The following CAMTA1 variants were observed in gnomAD, a reference collection of about 807,000 sequenced individuals.
CAMTA1 encodes calmodulin binding transcription activator 1.
In CAMTA1, 27 loss-of-function variants were observed where a neutral mutation model predicts 170.9. The ratio of observed to expected loss-of-function variants is 0.16; its 90% confidence interval spans 0.12 to 0.22. CAMTA1 has a LOEUF of 0.22. Among genes scored for constraint, CAMTA1 ranks in the 10% least tolerant of loss-of-function variants. CAMTA1 has a pLI of 1.00. For synonymous variants in CAMTA1, 833 were observed against 891.5 expected, an observed-to-expected ratio of 0.93 and a Z score of 1.17; for missense variants, 1,619 against 2,217.2, an observed-to-expected ratio of 0.73 and a Z score of 5.42.
intron 4 of CAMTA1, among the ~76,000 whole-genome samples, chr1:7,200,653 G>A (rs941509370): frequency 6.6e-6 from 1 of 152,144 alleles, no homozygotes; most frequent in South Asian, 2.1e-4. Flanking sequence ...AGATTACACA[G>A]TGTTGTCCAA....
At chr1:7,737,883 A>T in intron 15 of CAMTA1, 76 bp from the exon 16 acceptor site, 1 of 1,438,528 alleles carries the variant, frequency 7.0e-7, no homozygotes, top group Non-Finnish European at 9.4e-7. Flanking sequence ...TCTCTCAGGC[A>T]TAGAGAAAGT....
intron 10 of CAMTA1, among the ~76,000 whole-genome samples, chr1:7,676,923 T>C (rs1320258571): frequency 6.6e-6 from 1 of 152,170 alleles, no homozygotes; most frequent in Non-Finnish European, 1.5e-5. Flanking sequence ...AGTTATTTGT[T>C]GAGCCCTGTG....
rs80216063 is a variant in CAMTA1 at position 7,424,102 on chromosome 1, C to T, written c.439-43728C>T. On this transcript the variant is annotated intron_variant, in intron 5 of 22. Transcript: ENST00000303635. Reference sequence around the variant, plus strand: ...AAGCCCACGTCAGCCTTCCTCTCACCACCGTCCCCACGTGGGCTCTGTGCT... The same window carrying T: ...AAGCCCACGTCAGCCTTCCTCTCACTACCGTCCCCACGTGGGCTCTGTGCT... 7.0e-4 allele frequency among the ~76,000 whole-genome samples: 107 copies of T among 152,224 alleles called. 3 individuals are homozygous for T. In the East Asian group the frequency reaches 0.019, roughly 27 times the overall value.
At chr1:6,990,584 A>G (rs1293013130) in intron 3 of CAMTA1, among the ~76,000 whole-genome samples, 2 of 152,130 alleles carry the variant, frequency 1.3e-5, no homozygotes, top group African/African-American at 2.4e-5. Context: ...ATGAGTTTTG[A>G]CAGATGTGTC....
intron 2 of CAMTA1, among the ~76,000 whole-genome samples, chr1:6,823,973 CTATT>C (rs1646820950): frequency 6.6e-6 from 1 of 152,044 alleles, no homozygotes; most frequent in Non-Finnish European, 1.5e-5. Flanking sequence ...AAAACTGAAA[CTATT>C]AAGTAACTTA....
intron 7 of CAMTA1, among the ~76,000 whole-genome samples, chr1:7,653,948 A>C (rs1208071853): frequency 1.3e-5 from 2 of 152,158 alleles, no homozygotes; most frequent in Admixed American, 1.3e-4. Flanking sequence ...CATGCATTTG[A>C]ATTCCCACGA....
chr1:7,524,605 G>A (rs1232241022), intron 6 of CAMTA1, among the ~76,000 whole-genome samples: 1 of 152,182 alleles, frequency 6.6e-6, no homozygotes, highest in African/African-American at 2.4e-5. Flanking sequence ...GTGAGCCAGA[G>A]GGATTTTGTA....
intron 5 of CAMTA1, among the ~76,000 whole-genome samples, chr1:7,461,433 C>T (rs1324814547): frequency 6.6e-6 from 1 of 152,256 alleles, no homozygotes; most frequent in East Asian, 1.9e-4. Context: ...CCCTCGGCCA[C>T]ATGTGGCTGT....
intron 5 of CAMTA1, among the ~76,000 whole-genome samples, chr1:7,315,857 C>T (rs1176317003): frequency 1.3e-5 from 2 of 152,164 alleles, no homozygotes; most frequent in African/African-American, 2.4e-5. Flanking sequence ...CATGCCATCT[C>T]CTCCTCTGTC....
At chr1:7,105,200 A>G (rs867978543) in intron 4 of CAMTA1, among the ~76,000 whole-genome samples, 22 of 152,254 alleles carry the variant, frequency 1.4e-4, no homozygotes, top group Admixed American at 9.8e-4. Context: ...ATAAATATTC[A>G]TAACTTATTT....
At chr1:7,695,669 T>C (rs17368220) in intron 11 of CAMTA1, among the ~76,000 whole-genome samples, 14,979 of 152,008 alleles carry the variant, frequency 0.099, 1,010 homozygotes, top group Non-Finnish European at 0.15. Context: ...CATGGGACTG[T>C]GGCTGCACCA....
intron 5 of CAMTA1, among the ~76,000 whole-genome samples, chr1:7,409,353 G>C (rs1009645506): frequency 6.6e-6 from 1 of 152,222 alleles, no homozygotes; most frequent in Non-Finnish European, 1.5e-5. Flanking sequence ...GCCTCCATCA[G>C]AGCTGGCCCT....
chr1:7,256,731 C>G (rs998753986), intron 5 of CAMTA1, among the ~76,000 whole-genome samples: 2 of 152,164 alleles, frequency 1.3e-5, no homozygotes, highest in African/African-American at 4.8e-5. Flanking sequence ...AAATTTATTC[C>G]TCACGGTTCT....
At chr1:7,418,102 T>C (rs932008951) in intron 5 of CAMTA1, among the ~76,000 whole-genome samples, 1 of 36,892 alleles carries the variant, frequency 2.7e-5, no homozygotes, top group Non-Finnish European at 5.8e-5. Context: ...CCAGCTTTCC[T>C]CCTACCCCTT....
At chr1:7,621,062 G>A (rs1026111379) in intron 6 of CAMTA1, among the ~76,000 whole-genome samples, 18 of 152,156 alleles carry the variant, frequency 1.2e-4, no homozygotes, top group Middle Eastern at 3.4e-3. Context: ...TCAATGTTCC[G>A]TCCAATGCTG....
intron 7 of CAMTA1, among the ~76,000 whole-genome samples, chr1:7,650,672 G>A (rs1021499530): frequency 4.0e-5 from 6 of 151,222 alleles, no homozygotes; most frequent in Admixed American, 2.0e-4. Flanking sequence ...ATGTGCACAC[G>A]GTGGGCGCAC....
intron 1 of CAMTA1, among the ~76,000 whole-genome samples, chr1:6,791,489 C>T (rs1479704744): frequency 6.6e-6 from 1 of 152,112 alleles, no homozygotes; most frequent in Non-Finnish European, 1.5e-5. Context: ...TTTTTTGCTG[C>T]ATTTAGCCAG....
At chr1:6,900,859 T>C (rs1676784333) in intron 3 of CAMTA1, among the ~76,000 whole-genome samples, 1 of 152,226 alleles carries the variant, frequency 6.6e-6, no homozygotes, top group Non-Finnish European at 1.5e-5. Context: ...CTAAATTGAT[T>C]TATGAATTCC....
chr1:7,178,047 A>G (rs988519711), intron 4 of CAMTA1, among the ~76,000 whole-genome samples: 1 of 151,604 alleles, frequency 6.6e-6, no homozygotes, highest in African/African-American at 2.4e-5. Context: ...CAATACATCA[A>G]AGTCCCGCTC....
Sources: allele counts gnomAD v4.1 joint callset (sites outside exome capture counted in the v4.1 genomes callset), GRCh38; gene constraint gnomAD v4.1.1; transcripts MANE v1.5; gene names NCBI Gene and HGNC (gene_info 2026-07-23, HGNC 2026-07-21).